SCEL: variants seen among roughly 807,000 people sequenced by gnomAD.
The protein encoded by SCEL is sciellin.
A neutral mutation model predicts 117.6 loss-of-function variants in SCEL; 113 were observed. The ratio of observed to expected loss-of-function variants is 0.96; its 90% CI spans 0.83 to 1.12. SCEL has a LOEUF of 1.12. SCEL is among the 50% of genes most tolerant of loss of function. The pLI is 0.00. For missense variants in SCEL, 785 were observed against 810.8 expected (o/e 0.97, Z 0.39); for synonymous variants, 270 against 256.2 (o/e 1.05, Z -0.51).
intron 32 of SCEL, 85 bp from the exon 33 acceptor site, chr13:77,644,173 C>T (rs138772468): frequency 7.1e-5 from 102 of 1,432,316 alleles, no homozygotes; most frequent in African/African-American, 2.7e-4. Flanking sequence ...TACCACTACC[C>T]GTTGGGTGAA....
chr13:77,641,170 C>A (rs2090541233), intron 31 of SCEL, among the ~76,000 whole-genome samples: 1 of 152,136 alleles, frequency 6.6e-6, no homozygotes, highest in African/African-American at 2.4e-5. Context: ...CAGTTTCTTA[C>A]CTCATGAAAT....
chr13:77,570,125 C>G (rs1421875480), intron 8 of SCEL, among the ~76,000 whole-genome samples: 1 of 152,206 alleles, frequency 6.6e-6, no homozygotes, highest in Non-Finnish European at 1.5e-5. Context: ...TAAATTTTCT[C>G]AATTTCCCTG....
intron 9 of SCEL, among the ~76,000 whole-genome samples, chr13:77,586,893 A>G (rs1250111777): frequency 6.6e-6 from 1 of 152,014 alleles, no homozygotes; most frequent in Admixed American, 6.6e-5. Flanking sequence ...GGGAAGAAGA[A>G]TAATACTTAT....
intron 1 of SCEL, among the ~76,000 whole-genome samples, chr13:77,542,213 C>G (rs1347907075): frequency 6.6e-6 from 1 of 152,154 alleles, no homozygotes; most frequent in East Asian, 1.9e-4. Context: ...CCAGCCTGAC[C>G]AACATGGTGA....
At position 77,575,761 on chromosome 13, in the gene SCEL, G is replaced by A. The variant is rs1379023129; in HGVS notation, c.545+3572G>A. 2.0e-5 allele frequency among the ~76,000 whole-genome samples: 3 copies of A among 152,236 alleles called. No homozygotes were observed. In the East Asian group the frequency reaches 5.8e-4, roughly 29 times the overall value. On this transcript the variant is annotated intron_variant, in intron 9 of 32. Transcript: ENST00000349847. Reference sequence around the variant, plus strand: ...TTGGTCATTGTGATTTCAACCATTGGGATATTGATGTTTTCTGTCTTCTTT... The same window carrying A: ...TTGGTCATTGTGATTTCAACCATTGAGATATTGATGTTTTCTGTCTTCTTT...
intron 27 of SCEL, among the ~76,000 whole-genome samples, chr13:77,627,607 C>A (rs917990363): frequency 1.3e-5 from 2 of 152,004 alleles, no homozygotes; most frequent in African/African-American, 2.4e-5. Flanking sequence ...TATTAAATCA[C>A]ACATACCCTG....
chr13:77,644,210 G>T (rs2274014), intron 32 of SCEL, 48 bp from the exon 33 acceptor site: 33,420 of 1,606,724 alleles, frequency 0.021, 1,065 homozygotes, highest in East Asian at 0.12. Flanking sequence ...TTAATGATGA[G>T]CTTGTTTCTG....
At chr13:77,638,864 C>T (rs1259331362) in intron 30 of SCEL, among the ~76,000 whole-genome samples, 1 of 152,068 alleles carries the variant, frequency 6.6e-6, no homozygotes, top group Non-Finnish European at 1.5e-5. Context: ...TGGAATTCCT[C>T]CACCAACCCC....
intron 1 of SCEL, among the ~76,000 whole-genome samples, chr13:77,548,726 T>C (rs996681396): frequency 1.3e-5 from 2 of 152,208 alleles, no homozygotes; most frequent in East Asian, 3.8e-4. Context: ...TGGGATCTGA[T>C]GGCTTTATGA....
intron 29 of SCEL, among the ~76,000 whole-genome samples, 180 bp downstream of exon 29, chr13:77,634,630 TATAA>T (rs1382642691): frequency 6.6e-6 from 1 of 152,230 alleles, no homozygotes; most frequent in Admixed American, 6.5e-5. Flanking sequence ...GTACTTGGGC[TATAA>T]ATAATTATAG....
chr13:77,564,510 G>A (rs2085176473), intron 5 of SCEL, among the ~76,000 whole-genome samples: 1 of 152,134 alleles, frequency 6.6e-6, no homozygotes, highest in Non-Finnish European at 1.5e-5. Context: ...CTTCTATTCA[G>A]GTTGAAGTAT....
intron 9 of SCEL, among the ~76,000 whole-genome samples, chr13:77,587,465 T>C (rs866084406): frequency 5.8e-4 from 89 of 152,246 alleles, no homozygotes; most frequent in Middle Eastern, 3.4e-3. Flanking sequence ...CCTACTTTAC[T>C]GCCAAACTGC....
chr13:77,622,603 T>C (rs917780734), intron 27 of SCEL, among the ~76,000 whole-genome samples: 2 of 152,206 alleles, frequency 1.3e-5, no homozygotes, highest in Non-Finnish European at 2.9e-5. Context: ...GCCAGGTACC[T>C]GTAATTCTGG....
At chr13:77,537,453 G>A (rs141574775) in intron 1 of SCEL, among the ~76,000 whole-genome samples, 1 of 152,204 alleles carries the variant, frequency 6.6e-6, no homozygotes, top group South Asian at 2.1e-4. Flanking sequence ...CTCCATCACA[G>A]ACTGTGGTTA....
At chr13:77,545,888 A>T (rs2083961484) in intron 1 of SCEL, among the ~76,000 whole-genome samples, 1 of 152,260 alleles carries the variant, frequency 6.6e-6, no homozygotes, top group African/African-American at 2.4e-5. Flanking sequence ...TGATAAGAAA[A>T]ATTTAATTTC....
intron 1 of SCEL, among the ~76,000 whole-genome samples, chr13:77,548,917 G>C: frequency 6.6e-6 from 1 of 152,260 alleles, no homozygotes; most frequent in Non-Finnish European, 1.5e-5. Context: ...AGGGTGTATA[G>C]TTCCATTGTG....
At chr13:77,607,709 G>T (rs546044963) in intron 19 of SCEL, among the ~76,000 whole-genome samples, 1 of 152,170 alleles carries the variant, frequency 6.6e-6, no homozygotes, top group East Asian at 1.9e-4. Context: ...CATGAAACAA[G>T]TATATAGACT....
At chr13:77,573,068 T>C (rs890724952) in intron 9 of SCEL, among the ~76,000 whole-genome samples, 4 of 152,228 alleles carry the variant, frequency 2.6e-5, no homozygotes, top group Admixed American at 1.3e-4. Flanking sequence ...TTGAGAGTAA[T>C]AGTTATAACT....
chr13:77,572,939 C>T (rs2085726816), intron 9 of SCEL, among the ~76,000 whole-genome samples: 1 of 152,170 alleles, frequency 6.6e-6, no homozygotes, highest in South Asian at 2.1e-4. Flanking sequence ...CCAATGTGGG[C>T]TCTTGATGCC....
Sources: allele counts gnomAD v4.1 joint callset (sites outside exome capture counted in the v4.1 genomes callset), GRCh38; gene constraint gnomAD v4.1.1; transcripts MANE v1.5; gene names NCBI Gene and HGNC (gene_info 2026-07-23, HGNC 2026-07-21).